The following RANBP10 variants were observed in gnomAD, a reference collection of about 807,000 sequenced individuals.
RANBP10 encodes RAN binding protein 10, also known as ran-binding protein 10.
RANBP10 carries 24 observed loss-of-function variants against 72.8 expected under a neutral mutation model. The ratio of observed to expected loss-of-function variants is 0.33; its 90% confidence interval spans 0.24 to 0.46. The LOEUF is 0.46. RANBP10 is among the 20% of genes least tolerant of loss of function. The pLI, the probability that RANBP10 is intolerant of heterozygous loss-of-function variation, is 1.00. For synonymous variants in RANBP10, 310 were observed against 322.3 expected (o/e 0.96, Z 0.41); for missense variants, 679 against 817.5 (o/e 0.83, Z 2.07).
chr16:67,729,334 G>A lies in RANBP10; in HGVS notation c.1298C>T (p.Ser433Leu). Residue 433 changes from serine to leucine, a missense_variant, in exon 10 of 14, where the codon TCA (serine) becomes TTA (leucine). Transcript: ENST00000317506. This position sits in a 1 kb window ranked among gnomAD's most constrained non-coding sequence, Gnocchi z 7.1. ...GTGCTGGGACTTGGTGGAGTCTGTTGAGTTGGACTCGGAGTAATTGACGGA... is the reference window on the plus strand; with the variant it reads ...GTGCTGGGACTTGGTGGAGTCTGTTAAGTTGGACTCGGAGTAATTGACGGA... ...PSSVNYSESNSTDSTKSQHHS... is the reference protein window; with the variant it reads ...PSSVNYSESNLTDSTKSQHHS... 1.2e-6 allele frequency: 2 copies of A among 1,612,222 alleles called. No individual in the cohort carries two copies. Among genetic ancestry groups the A allele is most frequent in the Non-Finnish European group, 1.7e-6 (2 of 1,179,036 alleles).
At chr16:67,758,916 G>T (rs1366154649) in intron 3 of RANBP10, among the ~76,000 whole-genome samples, 5 of 152,222 alleles carry the variant, frequency 3.3e-5, no homozygotes, top group Admixed American at 1.3e-4. Flanking sequence ...GGGTGATACA[G>T]GTCTCCTGTG....
intron 2 of RANBP10, among the ~76,000 whole-genome samples, chr16:67,783,783 C>T (rs981515065): frequency 1.1e-4 from 17 of 152,162 alleles, no homozygotes; most frequent in African/African-American, 3.9e-4. Context: ...GTGGCTCACG[C>T]CTATAATCCC....
intron 6 of RANBP10, among the ~76,000 whole-genome samples, chr16:67,732,431 C>T (rs2053751533): frequency 6.6e-6 from 1 of 152,086 alleles, no homozygotes; most frequent in Non-Finnish European, 1.5e-5. Context: ...GTACATGTGT[C>T]TGATGTCATT....
intron 3 of RANBP10, among the ~76,000 whole-genome samples, chr16:67,745,940 T>C (rs1243636645): frequency 1.3e-5 from 2 of 151,690 alleles, no homozygotes; most frequent in Middle Eastern, 3.2e-3. Context: ...GTGGATCAAC[T>C]GAGGTCGGGA....
chr16:67,739,134 T>G (rs2053917047), intron 4 of RANBP10: 1 of 151,954 alleles, frequency 6.6e-6, no homozygotes, highest in Non-Finnish European at 1.5e-5. Flanking sequence ...TAATATATAT[T>G]TTTGTATTTT....
intron 2 of RANBP10, among the ~76,000 whole-genome samples, chr16:67,800,396 G>A (rs1188349995): frequency 2.0e-5 from 3 of 152,136 alleles, no homozygotes; most frequent in Non-Finnish European, 2.9e-5. Context: ...GGAGGCCTCC[G>A]CCGCTGGGAT....
intron 3 of RANBP10, among the ~76,000 whole-genome samples, chr16:67,764,387 C>T (rs2054457543): frequency 6.6e-6 from 1 of 152,182 alleles, no homozygotes; most frequent in African/African-American, 2.4e-5. Flanking sequence ...TCACATCCTG[C>T]CCACTTGCTC....
chr16:67,730,192 A>T lies in RANBP10; in HGVS notation c.890-146T>A, dbSNP rs2053699129. On this transcript the variant is annotated intron_variant, in intron 7 of 13. Transcript: ENST00000317506. The surrounding 1 kb of genome is among the most constrained non-coding windows in gnomAD (Gnocchi z 4.3). ...GCTCACAGGAGAGGAGGCTGGAGAA[A>T]GAACCTGACTGCCCAGCCCAACAGA... 1 of 680,144 alleles carries T rather than the reference A, an allele frequency of 1.5e-6. No individual in the cohort carries two copies. 42.1% of individuals were successfully genotyped at this position (680,144 alleles called of 1,614,324 possible). A position where few individuals can be genotyped will look rare whatever the true frequency, so the allele number is the denominator to read the frequency against.
intron 2 of RANBP10, among the ~76,000 whole-genome samples, chr16:67,780,256 A>C (rs1338930029): frequency 6.6e-6 from 1 of 152,122 alleles, no homozygotes; most frequent in African/African-American, 2.4e-5. Context: ...AAACAAAAAA[A>C]CACAGCAGAA....
At chr16:67,793,902 AC>A (rs1254721917) in intron 2 of RANBP10, among the ~76,000 whole-genome samples, 17 of 151,154 alleles carry the variant, frequency 1.1e-4, no homozygotes, top group Non-Finnish European at 1.6e-4. Flanking sequence ...TATTTTTGAG[AC>A]GAGTCTCACT....
chr16:67,728,605 T>A (rs1567671133), intron 10 of RANBP10, 94 bp from the exon 11 acceptor site: 2 of 1,596,596 alleles, frequency 1.3e-6, no homozygotes, highest in East Asian at 4.5e-5. Flanking sequence ...TGGGTTGCTG[T>A]GGGTGAACCG....
Position 67,729,646 on chromosome 16 carries a change from A to T in RANBP10, c.1147+34T>A. 6.3e-7 allele frequency: 1 copy of T among 1,585,404 alleles called. No homozygotes were observed. The highest frequency in any genetic ancestry group is 8.6e-7 in the Non-Finnish European group (1 of 1,165,410). ...TGGAGTGGCCTCTCTCCTCCACACC[A>T]GTTCTTCCCAGAGCCCTCTGGAGAG... is the stretch of plus-strand genomic sequence containing the variant. On this transcript the variant is annotated intron_variant, in intron 9 of 13. Transcript: ENST00000317506. The surrounding 1 kb of genome is among the most constrained non-coding windows in gnomAD (Gnocchi z 7.1).
At chr16:67,790,677 A>G (rs1339029773) in intron 2 of RANBP10, among the ~76,000 whole-genome samples, 2 of 151,614 alleles carry the variant, frequency 1.3e-5, no homozygotes, top group Admixed American at 6.6e-5. Context: ...GAAGGACCCA[A>G]CTGTTTCTAC....
At chr16:67,756,349 A>G (rs1025253431) in intron 3 of RANBP10, among the ~76,000 whole-genome samples, 2 of 152,230 alleles carry the variant, frequency 1.3e-5, no homozygotes, top group African/African-American at 4.8e-5. Context: ...GCAAGGGGCT[A>G]GGGCTGTGCC....
chr16:67,728,515 T>G lies in RANBP10; in HGVS notation c.1353-4A>C, dbSNP rs1443456371. The stretch of plus-strand genomic sequence containing the variant: ...CTCCATCTCCATCTCACTGTCGCTG[T>G]GGGGAGGGGTTGAGGTGGGAGTTGG... On this transcript the variant is annotated splice_region_variant and splice_polypyrimidine_tract_variant and intron_variant, in intron 10 of 13. Transcript: ENST00000317506. 6.2e-7 allele frequency: 1 copy of G among 1,613,906 alleles called. No homozygotes were observed. Among genetic ancestry groups the G allele is most frequent in the African/African-American group, 1.3e-5 (1 of 74,898 alleles).
At chr16:67,728,005 A>T in intron 11 of RANBP10, 109 bp from the exon 12 acceptor site, 1 of 1,263,724 alleles carries the variant, frequency 7.9e-7, no homozygotes, top group Non-Finnish European at 1.1e-6. Flanking sequence ...TGCCAGAGGC[A>T]GGCAGGGCTG....
intron 3 of RANBP10, among the ~76,000 whole-genome samples, chr16:67,764,294 G>C (rs538612651): frequency 2.0e-5 from 3 of 152,272 alleles, no homozygotes; most frequent in African/African-American, 4.8e-5. Context: ...GTACTTCTAA[G>C]ACAGCAGCGG....
chr16:67,731,793 C>T (rs953854996), intron 6 of RANBP10, among the ~76,000 whole-genome samples: 7 of 152,218 alleles, frequency 4.6e-5, no homozygotes, highest in South Asian at 2.1e-4. Flanking sequence ...TTCGGAGGGG[C>T]TGGTCACCAC....
chr16:67,726,549 T>C lies in RANBP10; in HGVS notation c.1742A>G (p.Asn581Ser), dbSNP rs1394037918. ...ALNSAILESQ[N>S]LPKQPPLMLA... ...CATCAGAGGGGGCTGCTTTGGCAGG[T>C]TCTGGGACTCTGTGGAGGAAAGACA... is the stretch of plus-strand genomic sequence containing the variant. Residue 581 changes from asparagine (N) to serine (S), a missense_variant, in exon 14 of 14, where the codon AAC (asparagine) becomes AGC (serine). Coordinates refer to ENST00000317506, the MANE Select transcript of RANBP10 (RefSeq NM_020850.3). 6.4e-7 allele frequency: 1 copy of C among 1,557,146 alleles called. No individual in the cohort carries two copies. The highest frequency in any genetic ancestry group is 2.4e-5 in the East Asian group (1 of 41,434).
Sources: gnomAD v4.1 joint callset for allele counts (sites outside exome capture counted in the v4.1 genomes callset) on GRCh38, gnomAD v4.1.1 for gene constraint, Gnocchi (gnomAD v3.1) non-coding constraint, MANE v1.5 for transcripts, NCBI Gene and HGNC (gene_info 2026-07-23, HGNC 2026-07-21) for gene names.